Variants in CFAP74 observed in about 807,000 individuals in gnomAD.
CFAP74 encodes the protein cilia- and flagella-associated protein 74.
Under a neutral mutation model 188.9 loss-of-function variants are expected in CFAP74, and 124 were observed. That is an observed-to-expected ratio of 0.66 (90% CI 0.57 to 0.76). The LOEUF (loss-of-function observed/expected upper bound fraction) is 0.76, where lower values mean the gene tolerates loss of function less well. Ranked by LOEUF, CFAP74 falls within the 30% of genes least tolerant of loss-of-function variation. The probability of loss-of-function intolerance (pLI) is 0.00; values close to 1 mark genes in which losing one functional copy is unlikely to be tolerated. For synonymous variants in CFAP74, 956 were observed against 916.7 expected (o/e 1.04, Z -0.77); for missense variants, 2,198 against 2,165.2 (o/e 1.02, Z -0.30).
intron 1 of CFAP74, among the ~76,000 whole-genome samples, chr1:2,001,394 G>A (rs1332174615): frequency 6.6e-6 from 1 of 151,554 alleles, no homozygotes; most frequent in Non-Finnish European, 1.5e-5. Flanking sequence ...CAGTGGCGCA[G>A]GGTCGGCTCA....
intron 14 of CFAP74, among the ~76,000 whole-genome samples, chr1:1,961,219 T>C (rs1655069002): frequency 6.6e-6 from 1 of 151,874 alleles, no homozygotes; most frequent in African/African-American, 2.4e-5. Flanking sequence ...GGAGAATGAA[T>C]GGGGGAGGGG....
Position 1,922,402 on chromosome 1 carries a change from G to A in CFAP74, c.4819-14C>T. On this transcript the variant is annotated splice_polypyrimidine_tract_variant and intron_variant, in intron 38 of 38. Transcript: ENST00000682832. ...TGGGTGGTCTGGCTGGAACAGGAGG[G>A]GAGGGGAGAAGAGGCCTTCAGTCAG... 1 of 1,600,902 alleles carries A rather than the reference G, an allele frequency of 6.2e-7. No homozygotes were observed. Among genetic ancestry groups the A allele is most frequent in the African/African-American group, 1.3e-5 (1 of 74,258 alleles).
At chr1:1,963,100 T>C (rs1296789460) in intron 14 of CFAP74, among the ~76,000 whole-genome samples, 1 of 152,184 alleles carries the variant, frequency 6.6e-6, no homozygotes, top group Non-Finnish European at 1.5e-5. Context: ...CTGAAAACAC[T>C]GGCTAATTGC....
Position 1,968,130 on chromosome 1 carries a change from GTGAA to G in CFAP74, c.1245+501_1245+504del, listed in dbSNP as rs144153122. ...GAGTGAATGAATGAAGAATGAGTGA[GTGAA>G]TGAATGAAGAAAGAATGAGTGAGTG... is the stretch of plus-strand genomic sequence containing the variant. On this transcript the variant is annotated intron_variant, in intron 11 of 38. Coordinates refer to ENST00000682832, the MANE Select transcript of CFAP74 (RefSeq NM_001304360.2). This position sits in a 1 kb window ranked among gnomAD's most constrained non-coding sequence, Gnocchi z 4.3. Among the ~76,000 whole-genome samples the G allele has an allele frequency of 0.22, 32,952 of 151,876 alleles. 3,762 individuals carry two copies. The highest frequency in any genetic ancestry group is 0.26 in the East Asian group (1,337 of 5,136).
chr1:1,976,315 C>T (rs1172376660), intron 6 of CFAP74, among the ~76,000 whole-genome samples: 3 of 152,164 alleles, frequency 2.0e-5, no homozygotes, highest in African/African-American at 4.8e-5. Context: ...CCCTCATGAA[C>T]GGGTGGGCCG....
chr1:1,938,748 G>C (rs1344456723), intron 25 of CFAP74, 107 bp downstream of exon 25: 2 of 1,326,420 alleles, frequency 1.5e-6, no homozygotes, highest in East Asian at 2.5e-5. Context: ...CCTGTGGTCA[G>C]CCAGGCAGAT....
intron 1 of CFAP74, among the ~76,000 whole-genome samples, chr1:2,002,915 A>G (rs1245986337): frequency 6.6e-6 from 1 of 151,156 alleles, no homozygotes; most frequent in East Asian, 1.9e-4. Flanking sequence ...AAATTTATAT[A>G]TCATCTTTAA....
chr1:2,001,884 G>A (rs1658227902), intron 1 of CFAP74, among the ~76,000 whole-genome samples: 2 of 152,206 alleles, frequency 1.3e-5, no homozygotes, highest in African/African-American at 2.4e-5. Context: ...ATTGGCCCAT[G>A]ACCTTCAGAG....
chr1:1,971,283 ACG>A (rs1419187777), intron 9 of CFAP74, among the ~76,000 whole-genome samples: 59 of 147,928 alleles, frequency 4.0e-4, no homozygotes, highest in African/African-American at 1.4e-3. Context: ...ACCTGCACAC[ACG>A]TGCACATACA....
At chr1:1,971,391 GCA>G (rs202027219) in intron 9 of CFAP74, among the ~76,000 whole-genome samples, 6 of 150,920 alleles carry the variant, frequency 4.0e-5, no homozygotes, top group Admixed American at 2.0e-4. Context: ...GCACACACGT[GCA>G]CACACGGTCA....
Position 1,922,599 on chromosome 1 carries a change from G to T in CFAP74, c.4808C>A (p.Ala1603Glu). Residue 1603 changes from alanine (A) to glutamate (E), a missense_variant, in exon 38 of 39, where the codon GCG becomes GAG. Coordinates refer to ENST00000682832, the MANE Select transcript of CFAP74 (RefSeq NM_001304360.2). ...KTISISWVPP[A>E]DFDPDHPLMV... is the part of the protein sequence containing the mutation. The stretch of plus-strand genomic sequence containing the variant: ...CCCAAAGGCACCTACATCAAAGTCC[G>T]CAGGTGGCACCCAGGAGATGCTGAT... 6.2e-7 allele frequency: 1 copy of T among 1,607,904 alleles called. No homozygotes were observed. Among genetic ancestry groups the T allele is most frequent in the Non-Finnish European group, 8.5e-7 (1 of 1,177,380 alleles).
chr1:1,940,485 C>A, intron 22 of CFAP74, 82 bp from the exon 23 acceptor site: 1 of 954,994 alleles, frequency 1.0e-6, no homozygotes, highest in South Asian at 1.7e-5. Flanking sequence ...ACTGGTGCTT[C>A]TACATCCCGT....
chr1:1,987,591 G>A lies in CFAP74; in HGVS notation c.297-556C>T, dbSNP rs148685588. 1.9e-4 allele frequency among the ~76,000 whole-genome samples: 29 copies of A among 152,106 alleles called. 1 individual carries two copies. The highest frequency in any genetic ancestry group is 6.3e-4 in the African/African-American group (26 of 41,508). ...AGAGCCTCGCTTGTCACCCAGGCTG[G>A]AGTGCAGTGGCGCGATCTCGGCTCA... On this transcript the variant is annotated intron_variant, in intron 4 of 38. Coordinates refer to ENST00000682832, the MANE Select transcript of CFAP74 (RefSeq NM_001304360.2).
chr1:1,970,719 C>T lies in CFAP74; in HGVS notation c.986G>A (p.Arg329Lys). 2.5e-6 allele frequency: 4 copies of T among 1,614,116 alleles called. No individual in the cohort carries two copies. The highest frequency in any genetic ancestry group is 1.1e-5 in the South Asian group (1 of 91,076). The change falls in exon 10 of 39, where the codon AGG (arginine) becomes AAG (lysine). Residue 329 changes from arginine to lysine, a missense_variant. Transcript: ENST00000682832. ...AEKKAILAQGRDAFRHLVHQR... is the reference protein window; with the variant it reads ...AEKKAILAQGKDAFRHLVHQR... The stretch of plus-strand genomic sequence containing the variant: ...GTGGACAAGGTGCCTGAATGCATCC[C>T]TGCCCTGGGCCAGAATCGCCTTCTT...
intron 20 of CFAP74, among the ~76,000 whole-genome samples, chr1:1,945,902 G>A (rs1387216693): frequency 1.4e-5 from 2 of 147,818 alleles, no homozygotes; most frequent in Admixed American, 1.3e-4. Context: ...GTGTGCATGT[G>A]TGTGCATGTG....
At chr1:1,938,442 TCACA>T (rs961476501) in intron 25 of CFAP74, among the ~76,000 whole-genome samples, 21 of 150,070 alleles carry the variant, frequency 1.4e-4, no homozygotes, top group Admixed American at 7.3e-4. Context: ...TCCTGCAGGC[TCACA>T]CACACACTCC....
rs780458708 is a variant in CFAP74, at chr1:1,985,491, C to T, written c.396-1G>A. On this transcript the variant is annotated splice_acceptor_variant, in intron 5 of 38. Coordinates refer to ENST00000682832, the MANE Select transcript of CFAP74 (RefSeq NM_001304360.2). LOFTEE classifies it high-confidence loss of function. ...GGCCTGGAGGCGGCCCACAGCGGCC[C>T]TGCAGTGGTGAACGGACAGGCCGGG... 3.7e-6 allele frequency: 6 copies of T among 1,613,252 alleles called. No homozygotes were observed. The East Asian group carries it at 1.1e-4, about 30-fold the overall frequency.
chr1:1,943,658 C>T lies in CFAP74; in HGVS notation c.2486+673G>A, dbSNP rs28684843. Reference sequence around the variant, plus strand: ...AAGTGGAGGCTTCCTCCTCCAGGCTCACCCTGCCTGTGTCCACGAGGGGCT... The same window carrying T: ...AAGTGGAGGCTTCCTCCTCCAGGCTTACCCTGCCTGTGTCCACGAGGGGCT... On this transcript the variant is annotated intron_variant, in intron 21 of 38. Coordinates refer to ENST00000682832, the MANE Select transcript of CFAP74 (RefSeq NM_001304360.2). Among the ~76,000 whole-genome samples the T allele has an allele frequency of 3.6e-3, 551 of 152,364 alleles. 6 individuals carry two copies. Among genetic ancestry groups the T allele is most frequent in the African/African-American group, 0.012 (514 of 41,590 alleles).
rs1019225917 is a variant in CFAP74, at chr1:1,985,432, C to T, written c.454G>A (p.Glu152Lys). ...TCAGTCCTCGACTGCAGGTCTCTCT[C>T]GTTCTCCAGCTCTGCAAACAGGCGT... The part of the protein sequence containing the change: ...SRRLFAELEN[E>K]RDLQSRTEAV... The change falls in exon 6 of 39, where the codon GAG becomes AAG. Residue 152 changes from glutamate to lysine, a missense_variant. Transcript: ENST00000682832. 9.3e-6 allele frequency: 15 copies of T among 1,614,118 alleles called. No individual in the cohort carries two copies. The highest frequency in any genetic ancestry group is 2.2e-5 in the East Asian group (1 of 44,886).
Sources: gnomAD v4.1 joint callset for allele counts (sites outside exome capture counted in the v4.1 genomes callset) on GRCh38, gnomAD v4.1.1 for gene constraint, Gnocchi (gnomAD v3.1) non-coding constraint, MANE v1.5 for transcripts, NCBI Gene and HGNC (gene_info 2026-07-23, HGNC 2026-07-21) for gene names.